SRGAP3: variants seen among roughly 807,000 people sequenced by gnomAD.
SRGAP3 encodes the protein SLIT-ROBO Rho GTPase activating protein 3.
Under a neutral mutation model 121.1 loss-of-function variants are expected in SRGAP3, and 39 were observed. The ratio of observed to expected loss-of-function variants is 0.32; its 90% confidence interval spans 0.25 to 0.42. The LOEUF (loss-of-function observed/expected upper bound fraction) is 0.42, where lower values mean the gene tolerates loss of function less well. SRGAP3 is among the 10% of genes least tolerant of loss of function. The pLI is 1.00. For missense variants in SRGAP3, 1,213 were observed against 1,470.6 expected, an observed-to-expected ratio of 0.82 and a Z score of 2.86; for synonymous variants, 601 against 570.0, an observed-to-expected ratio of 1.05 and a Z score of -0.77.
intron 8 of SRGAP3, among the ~76,000 whole-genome samples, chr3:9,053,853 G>A (rs1945697771): frequency 1.3e-5 from 2 of 152,208 alleles, no homozygotes; most frequent in African/African-American, 4.8e-5. Flanking sequence ...CACGGGCCCT[G>A]ACCTTACAAC....
chr3:9,028,207 A>C, intron 12 of SRGAP3: 1 of 1,592,528 alleles, frequency 6.3e-7, no homozygotes, highest in Non-Finnish European at 8.6e-7. Flanking sequence ...AGTTAGAGTA[A>C]GCAGATCCTT....
At chr3:9,059,160 T>C (rs1290060865) in intron 6 of SRGAP3, 1 of 152,598 alleles carries the variant, frequency 6.6e-6, no homozygotes, top group Non-Finnish European at 1.5e-5. Flanking sequence ...GGGGTCCACA[T>C]TTCCCTCTAC....
rs1008810007 is a variant in SRGAP3 at position 9,260,229 on chromosome 3, G to C, written n.442+65781C>G. ...CAAGCACAAAAATGGGTGGCAATTT[G>C]GGCAGACACTGAGCTAGCTGCAGGA... On this transcript the variant is annotated intron_variant and non_coding_transcript_variant, in intron 3 of 3. Transcript: ENST00000490889. Among the ~76,000 whole-genome samples, 9 of 152,276 alleles carry C rather than the reference G, an allele frequency of 5.9e-5. No homozygotes were observed. The East Asian group carries it at 1.7e-3, about 29-fold the overall frequency.
At chr3:9,178,953 C>T (rs894220897) in intron 1 of SRGAP3, among the ~76,000 whole-genome samples, 7 of 152,222 alleles carry the variant, frequency 4.6e-5, no homozygotes, top group Non-Finnish European at 1.5e-5. Flanking sequence ...CTTTGCTGTA[C>T]TGACAGCCCT....
At position 9,190,970 on chromosome 3, in the gene SRGAP3, T is replaced by C. The variant is rs1409899648; in HGVS notation, c.67+57915A>G. On this transcript the variant is annotated intron_variant, in intron 1 of 21. Coordinates refer to ENST00000383836, the MANE Select transcript of SRGAP3 (RefSeq NM_014850.4). ...TCCCTGAGCAAAATCCTAAAGTTCC[T>C]TCAAGTTCTGGCCCAAGTGTCGACT... is the stretch of plus-strand genomic sequence containing the variant. Among the ~76,000 whole-genome samples, 3 of 152,284 alleles carry C rather than the reference T, an allele frequency of 2.0e-5. No individual in the cohort carries two copies. The South Asian group carries it at 6.2e-4, about 32-fold the overall frequency.
In SRGAP3 at chr3:9,341,557, C is replaced by T. The variant is rs745396119; in HGVS notation, n.215-10961G>A. On this transcript the variant is annotated intron_variant and non_coding_transcript_variant, in intron 1 of 3. Transcript: ENST00000490889. ...TTGGGAGAAGAGGTCAGCAGCAACACAGGCTGTGCTGTGGTCCCTACCTGA... is the reference window on the plus strand; with the variant it reads ...TTGGGAGAAGAGGTCAGCAGCAACATAGGCTGTGCTGTGGTCCCTACCTGA... Among the ~76,000 whole-genome samples, 51 of 152,338 alleles carry T rather than the reference C, an allele frequency of 3.3e-4. No homozygotes were observed. In the Middle Eastern group the frequency reaches 0.014, roughly 41 times the overall value.
intron 3 of SRGAP3, among the ~76,000 whole-genome samples, chr3:9,307,092 C>A (rs1955172490): frequency 6.6e-6 from 1 of 152,184 alleles, no homozygotes; most frequent in South Asian, 2.1e-4. Flanking sequence ...CCTGCCACAG[C>A]CTCCCGAGTA....
At chr3:9,194,934 A>T (rs1951872435) in intron 1 of SRGAP3, among the ~76,000 whole-genome samples, 1 of 152,168 alleles carries the variant, frequency 6.6e-6, no homozygotes, top group Non-Finnish European at 1.5e-5. Flanking sequence ...TGCCACCCCC[A>T]CCGTCCCCAC....
intron 1 of SRGAP3, among the ~76,000 whole-genome samples, chr3:9,204,373 T>TCC (rs1952187018): frequency 6.6e-6 from 1 of 152,132 alleles, no homozygotes; most frequent in Non-Finnish European, 1.5e-5. Flanking sequence ...ACCAGGCCAC[T>TCC]CCCCAGGCCT....
intron 11 of SRGAP3, chr3:9,036,859 A>C (rs1944770185): frequency 6.6e-6 from 1 of 152,238 alleles, no homozygotes; most frequent in African/African-American, 2.4e-5. Context: ...TTCGTTTCTA[A>C]AAGGTTCTTC....
chr3:9,004,366 T>C (rs1942943998), intron 18 of SRGAP3, among the ~76,000 whole-genome samples: 1 of 152,230 alleles, frequency 6.6e-6, no homozygotes, highest in Non-Finnish European at 1.5e-5. Flanking sequence ...ATAGATTTAA[T>C]GCAATCCCTA....
rs926180635 is a variant in SRGAP3 at position 9,262,958 on chromosome 3, C to T, written n.442+63052G>A. On this transcript the variant is annotated intron_variant and non_coding_transcript_variant, in intron 3 of 3. Transcript: ENST00000490889. ...AAATAGCACTTATTCTAAAATTGAC[C>T]ACATAATTGGAAGTAAAACACTCCT... Among the ~76,000 whole-genome samples, 20 of 152,086 alleles carry T rather than the reference C, an allele frequency of 1.3e-4. 1 individual carries two copies. Among genetic ancestry groups the T allele is most frequent in the African/African-American group, 4.6e-4 (19 of 41,406 alleles).
intron 1 of SRGAP3, among the ~76,000 whole-genome samples, chr3:9,181,658 G>A (rs1327019848): frequency 5.9e-5 from 9 of 152,154 alleles, no homozygotes; most frequent in Admixed American, 3.3e-4. Context: ...AGGGTACAAC[G>A]CATCATAACC....
At chr3:8,995,174 T>G (rs1019962278) in intron 18 of SRGAP3, among the ~76,000 whole-genome samples, 1 of 152,098 alleles carries the variant, frequency 6.6e-6, no homozygotes, top group Non-Finnish European at 1.5e-5. Context: ...GCTGGTGTCT[T>G]TATAAGAGGA....
intron 6 of SRGAP3, chr3:9,058,716 T>G: frequency 2.4e-5 from 1 of 41,608 alleles, no homozygotes; most frequent in Admixed American, 4.3e-4. Flanking sequence ...CTCTCTCTCT[T>G]TTTTTTTTTT....
intron 14 of SRGAP3, 32 bp from the exon 15 acceptor site, chr3:9,015,763 C>T (rs1466567465): frequency 3.1e-6 from 5 of 1,613,472 alleles, no homozygotes; most frequent in Non-Finnish European, 4.2e-6. Context: ...GATGATATTT[C>T]AGCTTGGGAA....
At chr3:8,994,211 T>G (rs998344775) in intron 19 of SRGAP3, 132 bp downstream of exon 19, 8 of 1,182,462 alleles carry the variant, frequency 6.8e-6, no homozygotes, top group African/African-American at 1.5e-5. Context: ...TACCCATTGT[T>G]AGAGAAGAAC....
chr3:9,247,874 C>G (rs1176885653), intron 1 of SRGAP3, among the ~76,000 whole-genome samples: 3 of 152,252 alleles, frequency 2.0e-5, no homozygotes, highest in African/African-American at 4.8e-5. Context: ...AAAGGAGGAG[C>G]CTGCTGGATG....
chr3:9,312,495 G>A (rs950082095), intron 3 of SRGAP3, among the ~76,000 whole-genome samples: 2 of 152,318 alleles, frequency 1.3e-5, no homozygotes, highest in African/African-American at 4.8e-5. Context: ...AATGAACAGC[G>A]AATATCTCTG....
Sources: allele counts gnomAD v4.1 joint callset (sites outside exome capture counted in the v4.1 genomes callset), GRCh38; gene constraint gnomAD v4.1.1; transcripts MANE v1.5; gene names NCBI Gene and HGNC (gene_info 2026-07-23, HGNC 2026-07-21).